Variants in SETD1B observed in about 807,000 individuals in gnomAD.
SETD1B encodes the protein histone-lysine N-methyltransferase SETD1B.
In SETD1B, 7 loss-of-function variants were observed where a neutral mutation model predicts 148.0. That is an observed-to-expected ratio of 0.05 (90% confidence interval 0.03 to 0.09). The LOEUF (loss-of-function observed/expected upper bound fraction) is 0.09, where lower values mean the gene tolerates loss of function less well. Among genes scored for constraint, SETD1B ranks in the 10% least tolerant of loss-of-function variants. The probability of loss-of-function intolerance (pLI) is 1.00; values close to 1 mark genes in which losing one functional copy is unlikely to be tolerated. For missense variants in SETD1B, 2,155 were observed against 2,729.9 expected, an observed-to-expected ratio of 0.79 and a Z score of 4.69; for synonymous variants, 1,361 against 1,186.5, an observed-to-expected ratio of 1.15 and a Z score of -3.02.
At position 121,805,930 on chromosome 12, in the gene SETD1B, C is replaced by T; in HGVS notation, c.369C>T (p.Cys123=). ...GTGAAAACTTCCTGAGGGACATGTG[C>T]AAGAAGTATGGGGAGGTGGAGGAGG... ...NIRENFLRDM[C]KKYGEVEEVE... The change falls in exon 4 of 17, where the codon TGC becomes TGT. Residue 123 remains cysteine (C), a synonymous_variant. Coordinates refer to ENST00000604567, the MANE Select transcript of SETD1B (RefSeq NM_001353345.2). This position sits in a 1 kb window ranked among gnomAD's most constrained non-coding sequence, Gnocchi z 4.2. 6.4e-7 allele frequency: 1 copy of T among 1,551,578 alleles called. No homozygotes were observed. The highest frequency in any genetic ancestry group is 1.2e-5 in the South Asian group (1 of 84,060).
At chr12:121,807,133 T>C (rs937127323) in intron 4 of SETD1B, among the ~76,000 whole-genome samples, 4 of 152,132 alleles carry the variant, frequency 2.6e-5, no homozygotes, top group Non-Finnish European at 5.9e-5. Context: ...TTGCGTTTAA[T>C]GATTAAAATG....
chr12:121,828,415 C>T lies in SETD1B; in HGVS notation c.5727+345C>T, dbSNP rs540192788. On this transcript the variant is annotated intron_variant, in intron 16 of 16. Transcript: ENST00000604567. ...TGGTCAGGCTCAGTCCTGCTCGGGC[C>T]GAGCTGTCCACTAGAACTTTCTGCA... is the stretch of plus-strand genomic sequence containing the variant. Among the ~76,000 whole-genome samples, 40 of 152,352 alleles carry T rather than the reference C, an allele frequency of 2.6e-4. 1 individual carries two copies. Among genetic ancestry groups the T allele is most frequent in the African/African-American group, 8.2e-4 (34 of 41,584 alleles).
At chr12:121,828,814 G>GT (rs904269158) in intron 16 of SETD1B, among the ~76,000 whole-genome samples, 2 of 152,228 alleles carry the variant, frequency 1.3e-5, no homozygotes, top group African/African-American at 4.8e-5. Flanking sequence ...CTCCTTTTAG[G>GT]TTGTTGGGAG....
In SETD1B at chr12:121,817,936, C is replaced by T. The variant is rs1283210005; in HGVS notation, c.3418+32C>T. 2 of 1,497,174 alleles carry T rather than the reference C, an allele frequency of 1.3e-6. No individual in the cohort carries two copies. 92.7% of individuals were successfully genotyped at this position (1,497,174 alleles called of 1,614,324 possible). ...AGGGAGGCCGTGGCTGCCTGGCCCT[C>T]CCGGAGTCCCTCTTTCCCCGGGGCA... On this transcript the variant is annotated intron_variant, in intron 10 of 16. Transcript: ENST00000604567. This position sits in a 1 kb window ranked among gnomAD's most constrained non-coding sequence, Gnocchi z 8.1.
At chr12:121,793,666 C>CTGGG in the SETD1B span, 6 of 1,498,734 alleles carry the variant, frequency 4.0e-6, no homozygotes, top group Non-Finnish European at 5.3e-6. Flanking sequence ...CGGCGGCGCG[C>CTGGG]CGGGCACTAG....
At position 121,817,680 on chromosome 12, in the gene SETD1B, C is replaced by T. The variant is rs1005412721; in HGVS notation, c.3288C>T (p.Ser1096=). Reference sequence around the variant, plus strand: ...TCCCCAGGAGCCAGCTCTCCTCCTCCTCAACCTCATCCACATCAGATAAGG... The same window carrying T: ...TCCCCAGGAGCCAGCTCTCCTCCTCTTCAACCTCATCCACATCAGATAAGG... ...EEVPRSQLSS[S]STSSTSDKDD... is the part of the protein sequence containing the mutation. Residue 1096 remains serine (S), a synonymous_variant, in exon 9 of 17, where the codon TCC becomes TCT. Coordinates refer to ENST00000604567, the MANE Select transcript of SETD1B (RefSeq NM_001353345.2). The surrounding 1 kb of genome is among the most constrained non-coding windows in gnomAD (Gnocchi z 8.1). The T allele has an allele frequency of 1.6e-5, 25 of 1,549,786 alleles. No homozygotes were observed. The highest frequency in any genetic ancestry group is 2.2e-5 in the Non-Finnish European group (25 of 1,146,014).
At chr12:121,797,408 G>A in the SETD1B span, 1 of 454,084 alleles carries the variant, frequency 2.2e-6, no homozygotes, top group Non-Finnish European at 4.4e-6. Flanking sequence ...GCCCTCGAGG[G>A]ACCAGCAGGA....
Position 121,808,254 on chromosome 12 carries a change from C to T in SETD1B, c.591C>T (p.Tyr197=), listed in dbSNP as rs1187041647. ...RFYELLVTGR[Y]TPQTLPVGEL... ...ATGAACTGTTGGTCACTGGCCGATA[C>T]ACCCCCCAGACCCTCCCAGTGGGCG... is the stretch of plus-strand genomic sequence containing the variant. Residue 197 remains tyrosine, a synonymous_variant, in exon 5 of 17, where the codon TAC becomes TAT. Transcript: ENST00000604567. The surrounding 1 kb of genome is among the most constrained non-coding windows in gnomAD (Gnocchi z 5.3). The T allele has an allele frequency of 1.3e-6, 2 of 1,551,442 alleles. No homozygotes were observed. The highest frequency in any genetic ancestry group is 1.2e-5 in the South Asian group (1 of 84,036).
chr12:121,823,022 C>A lies in SETD1B; in HGVS notation c.4443C>A (p.Pro1481=). The A allele has an allele frequency of 6.6e-7, 1 of 1,519,992 alleles. No homozygotes were observed. The highest frequency in any genetic ancestry group is 8.8e-7 in the Non-Finnish European group (1 of 1,135,496). The allele number at this position is 1,519,992 out of a possible 1,614,324, so 94.2% of individuals were successfully genotyped here. A position where few individuals can be genotyped will look rare whatever the true frequency, so the allele number is the denominator to read the frequency against. ...CCCTCCCTCTGCCCCTTCCCCTGCC[C>A]TTGCCCTTGGCATTGCCCGCCGTCT... ...GLPLPLPLPL[P]LPLALPAVLR... is the part of the protein sequence containing the mutation. Residue 1481 remains proline, a synonymous_variant, in exon 12 of 17, where the codon CCC becomes CCA. Coordinates refer to ENST00000604567, the MANE Select transcript of SETD1B (RefSeq NM_001353345.2).
the SETD1B span, chr12:121,793,511 C>T: frequency 3.9e-6 from 6 of 1,543,078 alleles, no homozygotes; most frequent in South Asian, 7.1e-5. Flanking sequence ...GGAAGGAGCC[C>T]TGGCTGTACA....
the SETD1B span, chr12:121,797,765 T>C: frequency 5.5e-6 from 2 of 362,510 alleles, no homozygotes; most frequent in Non-Finnish European, 1.1e-5. Context: ...GAGGGTAACG[T>C]GAGAGCAACG....
chr12:121,797,700 C>T, the SETD1B span: 1 of 433,598 alleles, frequency 2.3e-6, no homozygotes, highest in Admixed American at 2.5e-5. Context: ...GAGTAAAGAC[C>T]CCACCCGGAG....
chr12:121,806,185 G>C, intron 4 of SETD1B, 80 bp downstream of exon 4: 1 of 1,461,654 alleles, frequency 6.8e-7, no homozygotes. Flanking sequence ...AGCGTGGGGA[G>C]GACCCCCCCT....
chr12:121,802,928 C>G (rs959369289), upstream of SETD1B: 4 of 152,256 alleles, frequency 2.6e-5, no homozygotes, highest in African/African-American at 9.6e-5. Context: ...ATCTGTTGGC[C>G]TCTCCTTCGT....
chr12:121,825,506 G>T, intron 13 of SETD1B, 140 bp downstream of exon 13: 35 of 428,652 alleles, frequency 8.2e-5, no homozygotes, highest in East Asian at 2.7e-4. Flanking sequence ...AGTGGAAGGG[G>T]AGAGGCGGGT....
chr12:121,806,762 C>A (rs1439577455), intron 4 of SETD1B, among the ~76,000 whole-genome samples: 1 of 152,214 alleles, frequency 6.6e-6, no homozygotes, highest in African/African-American at 2.4e-5. Context: ...ACCGCAGCAC[C>A]TCCCCTGCTC....
intron 15 of SETD1B, 23 bp downstream of exon 15, chr12:121,827,877 G>A (rs1401788076): frequency 1.3e-6 from 2 of 1,553,560 alleles, no homozygotes. Flanking sequence ...CGGCAGGATG[G>A]GCACCGGGGT....
At position 121,814,891 on chromosome 12, in the gene SETD1B, C is replaced by G; in HGVS notation, c.2676C>G (p.Ala892=). The G allele has an allele frequency of 1.3e-6, 2 of 1,548,062 alleles. No homozygotes were observed. The highest frequency in any genetic ancestry group is 8.7e-7 in the Non-Finnish European group (1 of 1,145,098). Residue 892 remains alanine (A), a synonymous_variant, in exon 7 of 17, where the codon GCC becomes GCG. Transcript: ENST00000604567. The part of the protein sequence containing the change: ...RKMVEVVAFR[A]FDEWWDKKER... The stretch of plus-strand genomic sequence containing the variant: ...TGGTGGAAGTGGTGGCTTTCCGGGC[C>G]TTTGACGAGTGGTGGGACAAGAAGG...
In SETD1B at chr12:121,823,507, G is replaced by T; in HGVS notation, c.4928G>T (p.Arg1643Leu). 2 of 1,550,652 alleles carry T rather than the reference G, an allele frequency of 1.3e-6. No homozygotes were observed. The highest frequency in any genetic ancestry group is 1.7e-4 in the Middle Eastern group (1 of 5,992). ...TTGGCCAAGAGCCGGGGGCCGTGGC[G>T]CCGGCCACCTAAGAAGCGCCATGAG... Reference protein sequence around the residue: ...MELAKSRGPWRRPPKKRHEDL... With the variant: ...MELAKSRGPWLRPPKKRHEDL... Residue 1643 changes from arginine (R) to leucine (L), a missense_variant, in exon 12 of 17, where the codon CGC (arginine) becomes CTC (leucine). By Grantham distance (102) the Arg-to-Leu change is moderately radical. This residue lies in a region of SETD1B where 862 missense variants were observed against 873.8 expected (regional missense o/e 0.99). Transcript: ENST00000604567.
Sources: gnomAD v4.1 joint callset for allele counts (sites outside exome capture counted in the v4.1 genomes callset) on GRCh38, gnomAD v4.1.1 for gene constraint, gnomAD v4.1.1 regional missense constraint, Gnocchi (gnomAD v3.1) non-coding constraint, MANE v1.5 for transcripts, NCBI Gene and HGNC (gene_info 2026-07-23, HGNC 2026-07-21) for gene names.